AGPAT4: variants seen among roughly 807,000 people sequenced by gnomAD.
AGPAT4 encodes 1-acylglycerol-3-phosphate O-acyltransferase 4.
In AGPAT4, 15 loss-of-function variants were observed where a neutral mutation model predicts 48.0. That is an observed-to-expected ratio of 0.31 (90% confidence interval 0.21 to 0.48). AGPAT4 has a LOEUF of 0.48. AGPAT4 is among the 20% of genes least tolerant of loss of function. The pLI, the probability that AGPAT4 is intolerant of heterozygous loss-of-function variation, is 0.99. For missense variants in AGPAT4, 314 were observed against 482.5 expected, an observed-to-expected ratio of 0.65 and a Z score of 3.27; for synonymous variants, 178 against 198.7, an observed-to-expected ratio of 0.90 and a Z score of 0.88.
At chr6:161,257,819 C>T (rs1429362920) in intron 1 of AGPAT4, among the ~76,000 whole-genome samples, 1 of 152,176 alleles carries the variant, frequency 6.6e-6, no homozygotes, top group African/African-American at 2.4e-5. Flanking sequence ...TTCTGTTGTT[C>T]CATTAGCTAT....
chr6:161,163,542 G>A (rs1295287399), intron 3 of AGPAT4, among the ~76,000 whole-genome samples: 1 of 152,170 alleles, frequency 6.6e-6, no homozygotes, highest in Non-Finnish European at 1.5e-5. Context: ...CTCTCCAGTA[G>A]ATGGCAAAGC....
At chr6:161,257,418 A>G (rs1782972487) in intron 1 of AGPAT4, among the ~76,000 whole-genome samples, 1 of 152,226 alleles carries the variant, frequency 6.6e-6, no homozygotes, top group African/African-American at 2.4e-5. Context: ...TGTCTGAGCT[A>G]CAGACACATG....
In AGPAT4 at chr6:161,249,240, C is replaced by T. The variant is rs2115051240; in HGVS notation, c.-89-16938G>A. ...GGAAGATGACCTAAGCAATACCATTCTGGACATAGGAATGGGCAAAGATTT... is the reference window on the plus strand; with the variant it reads ...GGAAGATGACCTAAGCAATACCATTTTGGACATAGGAATGGGCAAAGATTT... On this transcript the variant is annotated intron_variant, in intron 1 of 8. Transcript: ENST00000320285. The surrounding 1 kb of genome is among the most constrained non-coding windows in gnomAD (Gnocchi z 6.2). Among the ~76,000 whole-genome samples, 1 of 152,268 alleles carries T rather than the reference C, an allele frequency of 6.6e-6. No homozygotes were observed. The highest frequency in any genetic ancestry group is 1.9e-4 in the East Asian group (1 of 5,180).
chr6:161,174,488 A>T (rs191724836), intron 2 of AGPAT4, among the ~76,000 whole-genome samples: 2 of 152,142 alleles, frequency 1.3e-5, no homozygotes, highest in East Asian at 3.9e-4. Flanking sequence ...ATTTCTACAC[A>T]TTGATTTTGT....
chr6:161,266,157 G>A lies in AGPAT4; in HGVS notation c.-90+7781C>T, dbSNP rs1582922330. Among the ~76,000 whole-genome samples, 1 of 152,116 alleles carries A rather than the reference G, an allele frequency of 6.6e-6. No homozygotes were observed. Among genetic ancestry groups the A allele is most frequent in the East Asian group, 1.9e-4 (1 of 5,164 alleles). On this transcript the variant is annotated intron_variant, in intron 1 of 8. Transcript: ENST00000320285. This position sits in a 1 kb window ranked among gnomAD's most constrained non-coding sequence, Gnocchi z 6.2. ...CTGGCATGTAACAGTTAGAGGCCAG[G>A]AATGTGGCTGAGCATCCGATTCTGC...
Position 161,161,551 on chromosome 6 carries a change from T to G in AGPAT4, c.348+4697A>C. 1 of 453,790 alleles carries G rather than the reference T, an allele frequency of 2.2e-6. No individual in the cohort carries two copies. Among genetic ancestry groups the G allele is most frequent in the Non-Finnish European group, 4.4e-6 (1 of 224,960 alleles). 28.1% of individuals were successfully genotyped at this position (453,790 alleles called of 1,614,324 possible). On this transcript the variant is annotated intron_variant, in intron 3 of 8. Transcript: ENST00000320285. The surrounding 1 kb of genome is among the most constrained non-coding windows in gnomAD (Gnocchi z 4.6). Reference sequence around the variant, plus strand: ...GGGTATCTGCCATAGGCTCAGGTGATGCCAGCAGTGAGCAGGGTGCAAGAC... The same window carrying G: ...GGGTATCTGCCATAGGCTCAGGTGAGGCCAGCAGTGAGCAGGGTGCAAGAC...
chr6:161,192,830 C>T (rs181207923), intron 2 of AGPAT4, among the ~76,000 whole-genome samples: 39 of 152,292 alleles, frequency 2.6e-4, no homozygotes, highest in Admixed American at 1.4e-3. Context: ...ATTAAAGATA[C>T]GATTGCATCA....
chr6:161,199,595 G>A (rs1303252923), intron 2 of AGPAT4, among the ~76,000 whole-genome samples: 1 of 152,170 alleles, frequency 6.6e-6, no homozygotes, highest in East Asian at 1.9e-4. Context: ...CAAATCTCAT[G>A]TGGAACTGTA....
rs528385188 is a variant in AGPAT4 at position 161,146,257 on chromosome 6, G to A, written c.843+267C>T. 4.6e-5 allele frequency among the ~76,000 whole-genome samples: 7 copies of A among 151,648 alleles called. 1 individual carries two copies. Among genetic ancestry groups the A allele is most frequent in the African/African-American group, 1.7e-4 (7 of 40,926 alleles). On this transcript the variant is annotated intron_variant, in intron 7 of 8. Coordinates refer to ENST00000320285, the MANE Select transcript of AGPAT4 (RefSeq NM_020133.3). The surrounding 1 kb of genome is among the most constrained non-coding windows in gnomAD (Gnocchi z 7.1). ...ACATCCTGCCTTAGGACCAGAGGCA[G>A]GAAAATACGAGCAGGGGCGATTGGG... is the stretch of plus-strand genomic sequence containing the variant.
At chr6:161,256,948 G>A (rs1380036723) in intron 1 of AGPAT4, among the ~76,000 whole-genome samples, 4 of 152,188 alleles carry the variant, frequency 2.6e-5, no homozygotes, top group South Asian at 2.1e-4. Flanking sequence ...TTGGCATCAC[G>A]TTGGAGACGC....
At position 161,254,685 on chromosome 6, in the gene AGPAT4, C is replaced by A. The variant is rs1782897854; in HGVS notation, c.-90+19253G>T. 6.6e-6 allele frequency among the ~76,000 whole-genome samples: 1 copy of A among 152,200 alleles called. No homozygotes were observed. Among genetic ancestry groups the A allele is most frequent in the South Asian group, 2.1e-4 (1 of 4,834 alleles). ...TCTCATGGAAAGCAGCATGGGTTAG[C>A]AAATCCTTAGATTTACTGAGGCTAC... is the stretch of plus-strand genomic sequence containing the variant. On this transcript the variant is annotated intron_variant, in intron 1 of 8. Coordinates refer to ENST00000320285, the MANE Select transcript of AGPAT4 (RefSeq NM_020133.3). This position sits in a 1 kb window ranked among gnomAD's most constrained non-coding sequence, Gnocchi z 5.9.
At chr6:161,237,110 A>G (rs1782306020) in intron 1 of AGPAT4, among the ~76,000 whole-genome samples, 1 of 152,230 alleles carries the variant, frequency 6.6e-6, no homozygotes, top group Non-Finnish European at 1.5e-5. Flanking sequence ...CTGACCCATG[A>G]GCTCAATATG....
chr6:161,154,975 A>G lies in AGPAT4; in HGVS notation c.349-665T>C, dbSNP rs1779726682. On this transcript the variant is annotated intron_variant, in intron 3 of 8. Coordinates refer to ENST00000320285, the MANE Select transcript of AGPAT4 (RefSeq NM_020133.3). This position sits in a 1 kb window ranked among gnomAD's most constrained non-coding sequence, Gnocchi z 7.8. ...TGGGATCTCCGGGTACAGCTGGTCC[A>G]AGCTGGGAGTAAAACCCAGACCAGG... is the stretch of plus-strand genomic sequence containing the variant. 6.6e-6 allele frequency among the ~76,000 whole-genome samples: 1 copy of G among 152,244 alleles called. No individual in the cohort carries two copies. Among genetic ancestry groups the G allele is most frequent in the African/African-American group, 2.4e-5 (1 of 41,472 alleles).
rs1270736739 is a variant in AGPAT4 at position 161,251,293 on chromosome 6, A to T, written c.-89-18991T>A. Among the ~76,000 whole-genome samples the T allele has an allele frequency of 6.6e-6, 1 of 152,240 alleles. No individual in the cohort carries two copies. Among genetic ancestry groups the T allele is most frequent in the East Asian group, 1.9e-4 (1 of 5,202 alleles). ...TTGTATCCAAGGCATTTGTTGAAAG[A>T]TCCTTCTCTACCTCATTGATTCCCA... is the stretch of plus-strand genomic sequence containing the variant. On this transcript the variant is annotated intron_variant, in intron 1 of 8. Transcript: ENST00000320285. This position sits in a 1 kb window ranked among gnomAD's most constrained non-coding sequence, Gnocchi z 4.6.
In AGPAT4 at chr6:161,235,571, T is replaced by C. The variant is rs1046404469; in HGVS notation, c.-89-3269A>G. Among the ~76,000 whole-genome samples, 2 of 152,168 alleles carry C rather than the reference T, an allele frequency of 1.3e-5. No individual in the cohort carries two copies. The highest frequency in any genetic ancestry group is 2.4e-5 in the African/African-American group (1 of 41,420). Reference sequence around the variant, plus strand: ...GAAATACCTGAGACTGGACAATTTATAAAGAAAAGAGGTTTAATTGGCTCA... The same window carrying C: ...GAAATACCTGAGACTGGACAATTTACAAAGAAAAGAGGTTTAATTGGCTCA... On this transcript the variant is annotated intron_variant, in intron 1 of 8. Coordinates refer to ENST00000320285, the MANE Select transcript of AGPAT4 (RefSeq NM_020133.3). The surrounding 1 kb of genome is among the most constrained non-coding windows in gnomAD (Gnocchi z 6.2).
rs1779159603 is a variant in AGPAT4 at position 161,138,830 on chromosome 6, G to A, written c.1042+592C>T. On this transcript the variant is annotated intron_variant, in intron 8 of 8. Transcript: ENST00000320285. The surrounding 1 kb of genome is among the most constrained non-coding windows in gnomAD (Gnocchi z 4.8). ...CCTGCTGTTCACAGGGCAGGAAGCA[G>A]GCACGACAGGCTGCCCCGCCAGAGG... 6.6e-6 allele frequency among the ~76,000 whole-genome samples: 1 copy of A among 152,158 alleles called. No homozygotes were observed. Among genetic ancestry groups the A allele is most frequent in the Non-Finnish European group, 1.5e-5 (1 of 68,034 alleles).
Position 161,146,653 on chromosome 6 carries a change from AC to A in AGPAT4, c.768-55del. On this transcript the variant is annotated intron_variant, in intron 6 of 8. Transcript: ENST00000320285. This position sits in a 1 kb window ranked among gnomAD's most constrained non-coding sequence, Gnocchi z 7.1. Reference sequence around the variant, plus strand: ...AGGAGGTGATGCCCCCCTACAACATACAGTTTCCAGTAACGGTGCTGCCGTT... The same window carrying A: ...AGGAGGTGATGCCCCCCTACAACATAAGTTTCCAGTAACGGTGCTGCCGTT... The A allele has an allele frequency of 2.6e-6, 4 of 1,559,368 alleles. No homozygotes were observed. Among genetic ancestry groups the A allele is most frequent in the Non-Finnish European group, 3.5e-6 (4 of 1,131,624 alleles).
At chr6:161,228,953 G>A (rs1582892711) in intron 2 of AGPAT4, among the ~76,000 whole-genome samples, 1 of 151,660 alleles carries the variant, frequency 6.6e-6, no homozygotes, top group Non-Finnish European at 1.5e-5. Context: ...GAGGTTGGTT[G>A]CTGCCACTAG....
chr6:161,159,428 C>T lies in AGPAT4; in HGVS notation c.349-5118G>A, dbSNP rs1378678918. Among the ~76,000 whole-genome samples the T allele has an allele frequency of 6.6e-6, 1 of 152,164 alleles. No homozygotes were observed. The highest frequency in any genetic ancestry group is 2.4e-5 in the African/African-American group (1 of 41,436). On this transcript the variant is annotated intron_variant, in intron 3 of 8. Transcript: ENST00000320285. The surrounding 1 kb of genome is among the most constrained non-coding windows in gnomAD (Gnocchi z 4.1). The stretch of plus-strand genomic sequence containing the variant: ...GGGAGAAGCAGAAAGCTTTCAGTTT[C>T]TGTGTTCCACTTCTGCCACTAAACT...
Sources: allele counts gnomAD v4.1 joint callset (sites outside exome capture counted in the v4.1 genomes callset), GRCh38; gene constraint gnomAD v4.1.1; non-coding constraint Gnocchi (gnomAD v3.1); transcripts MANE v1.5; gene names NCBI Gene and HGNC (gene_info 2026-07-23, HGNC 2026-07-21).